PLOD3: variants seen among roughly 807,000 people sequenced by gnomAD.
PLOD3 encodes the protein multifunctional procollagen lysine hydroxylase and glycosyltransferase LH3.
A neutral mutation model predicts 96.9 loss-of-function variants in PLOD3; 73 were observed. The observed-to-expected ratio is 0.75, with a 90% CI of 0.62 to 0.92. The LOEUF is 0.92. Among genes scored for constraint, PLOD3 ranks in the 40% least tolerant of loss-of-function variants. The pLI, the probability that PLOD3 is intolerant of heterozygous loss-of-function variation, is 0.00. For synonymous variants in PLOD3, 454 were observed against 413.7 expected (o/e 1.10, Z -1.18); for missense variants, 1,004 against 1,004.3 (o/e 1.00, Z 0.00).
At position 101,213,087 on chromosome 7, in the gene PLOD3, G is replaced by T; in HGVS notation, c.777+20C>A. ...GGGGTTGGGGCAGGGCGGGGCGGGG[G>T]TTGAGACCACTGGTGGCACCTTAGT... On this transcript the variant is annotated intron_variant, in intron 7 of 18. Coordinates refer to ENST00000223127, the MANE Select transcript of PLOD3 (RefSeq NM_001084.5). The T allele has an allele frequency of 6.4e-7, 1 of 1,562,068 alleles. No homozygotes were observed. Among genetic ancestry groups the T allele is most frequent in the South Asian group, 1.1e-5 (1 of 89,932 alleles).
chr7:101,207,009 G>T, intron 17 of PLOD3, 105 bp from the exon 18 acceptor site: 1 of 1,340,268 alleles, frequency 7.5e-7, no homozygotes, highest in Non-Finnish European at 1.0e-6. Context: ...CTGTCACTCA[G>T]GCTGGAGTGC....
intron 2 of PLOD3, 45 bp from the exon 3 acceptor site, chr7:101,216,591 T>G: frequency 8.7e-6 from 14 of 1,612,908 alleles, no homozygotes; most frequent in Non-Finnish European, 1.2e-5. Flanking sequence ...TGGGGAGTTG[T>G]GGGGGGAACT....
intron 16 of PLOD3, among the ~76,000 whole-genome samples, chr7:101,208,413 G>A (rs142374988): frequency 6.6e-6 from 1 of 152,126 alleles, no homozygotes; most frequent in African/African-American, 2.4e-5. Flanking sequence ...GGCTAATTTT[G>A]TGTTTTTAGT....
At chr7:101,212,676 G>A (rs1296573159) in intron 8 of PLOD3, 21 bp from the exon 9 acceptor site, 1 of 1,613,090 alleles carries the variant, frequency 6.2e-7, no homozygotes, top group African/African-American at 1.3e-5. Context: ...CAACACGCAG[G>A]GACTCAGAGA....
intron 8 of PLOD3, 37 bp from the exon 9 acceptor site, chr7:101,212,692 C>T (rs1562894145): frequency 6.2e-7 from 1 of 1,612,076 alleles, no homozygotes; most frequent in South Asian, 1.1e-5. Context: ...AGAGAGAAGC[C>T]CGGACTTCCC....
intron 7 of PLOD3, 25 bp downstream of exon 7, chr7:101,213,082 C>CG: frequency 9.5e-7 from 1 of 1,049,076 alleles, no homozygotes; most frequent in Non-Finnish European, 1.4e-6. Context: ...CAGGGCGGGG[C>CG]GGGGGTTGAG....
intron 12 of PLOD3, chr7:101,210,932 A>C: frequency 4.2e-6 from 2 of 471,518 alleles, no homozygotes; most frequent in South Asian, 2.1e-5. Flanking sequence ...CCAGGCTGGA[A>C]TGCAGTGGTG....
At chr7:101,209,386 T>G (rs897366305) in intron 15 of PLOD3, among the ~76,000 whole-genome samples, 1 of 147,664 alleles carries the variant, frequency 6.8e-6, no homozygotes, top group African/African-American at 2.5e-5. Flanking sequence ...TTTTCTTTTC[T>G]TTTTTTTTTG....
Position 101,217,065 on chromosome 7 carries a change from G to T in PLOD3, c.109+101C>A, listed in dbSNP as rs574264811. 1,787 of 1,257,998 alleles carry T rather than the reference G, an allele frequency of 1.4e-3. 5 individuals carry two copies. Among genetic ancestry groups the T allele is most frequent in the Middle Eastern group, 6.1e-3 (23 of 3,800 alleles). The allele number at this position is 1,257,998 out of a possible 1,614,324, so 77.9% of individuals were successfully genotyped here. On this transcript the variant is annotated intron_variant, in intron 1 of 18. Coordinates refer to ENST00000223127, the MANE Select transcript of PLOD3 (RefSeq NM_001084.5). Reference sequence around the variant, plus strand: ...CTCAAGAGCACGCTGGGCGGGGGACGGGCCAGACACCTCCTCGAGCCTCCG... The same window carrying T: ...CTCAAGAGCACGCTGGGCGGGGGACTGGCCAGACACCTCCTCGAGCCTCCG...
At chr7:101,214,989 G>T (rs1223262459) in intron 6 of PLOD3, 100 bp downstream of exon 6, 1 of 876,216 alleles carries the variant, frequency 1.1e-6, no homozygotes, top group African/African-American at 1.6e-5. Context: ...ACATAGAGGT[G>T]GGCTTGGATC....
At position 101,211,557 on chromosome 7, in the gene PLOD3, A is replaced by G. The variant is rs551954677; in HGVS notation, c.1358+34T>C. Reference sequence around the variant, plus strand: ...TGGGTCTACCTGGGCCCCGGGTCGGAGGAGGCGGGGGGCTGCAGGCTGGCG... The same window carrying G: ...TGGGTCTACCTGGGCCCCGGGTCGGGGGAGGCGGGGGGCTGCAGGCTGGCG... On this transcript the variant is annotated intron_variant, in intron 12 of 18. Transcript: ENST00000223127. 584 of 1,588,186 alleles carry G rather than the reference A, an allele frequency of 3.7e-4. 10 individuals carry two copies. The South Asian group carries it at 5.6e-3, about 15-fold the overall frequency.
rs1435642015 is a variant in PLOD3, at chr7:101,211,663, C to T, written c.1286G>A (p.Trp429Ter). The change falls in exon 12 of 19, where the codon TGG becomes TAG. Residue 429 changes from tryptophan (W) to a stop codon, truncating the protein, a stop_gained. Transcript: ENST00000223127. LOFTEE classifies it high-confidence loss of function. ...SRHGKLWSNF[W>*]GALSPDEYYA... ...GTACTCATCGGGGCTCAGGGCGCCC[C>T]AGAAGTTGGACCACAGCTTGCCGTG... The T allele has an allele frequency of 6.2e-7, 1 of 1,607,658 alleles. No individual in the cohort carries two copies. The highest frequency in any genetic ancestry group is 8.5e-7 in the Non-Finnish European group (1 of 1,177,728).
chr7:101,207,549 G>T, intron 17 of PLOD3, 29 bp downstream of exon 17: 1 of 1,609,496 alleles, frequency 6.2e-7, no homozygotes, highest in South Asian at 1.1e-5. Flanking sequence ...GGGGAAGGTG[G>T]GGAGGCAGCT....
Position 101,212,959 on chromosome 7 carries a change from T to A in PLOD3, c.778-16A>T. 6.3e-7 allele frequency: 1 copy of A among 1,588,918 alleles called. No individual in the cohort carries two copies. Among genetic ancestry groups the A allele is most frequent in the South Asian group, 1.1e-5 (1 of 90,508 alleles). ...TGAGCTGCAGCTGTTGGGGACAGAC[T>A]GAGGCTGAGTGGCTGAGGCCTCCAG... On this transcript the variant is annotated splice_polypyrimidine_tract_variant and intron_variant, in intron 7 of 18. Transcript: ENST00000223127.
rs568341395 is a variant in PLOD3 at position 101,206,946 on chromosome 7, C to A, written c.1936-42G>T. 8 of 1,546,286 alleles carry A rather than the reference C, an allele frequency of 5.2e-6. No individual in the cohort carries two copies. The African/African-American group carries it at 9.6e-5, about 19-fold the overall frequency. ...AAGAGGCTGCAGGGACAGCTGCGGGCGCAGGGGGTCTTTTATTTTGTATTA... is the reference window on the plus strand; with the variant it reads ...AAGAGGCTGCAGGGACAGCTGCGGGAGCAGGGGGTCTTTTATTTTGTATTA... On this transcript the variant is annotated intron_variant, in intron 17 of 18. Coordinates refer to ENST00000223127, the MANE Select transcript of PLOD3 (RefSeq NM_001084.5).
rs775744595 is a variant in PLOD3, at chr7:101,210,109, TC to T, written c.1666del (p.Glu556LysfsTer59). 6.2e-7 allele frequency: 1 copy of T among 1,601,338 alleles called. No homozygotes were observed. The highest frequency in any genetic ancestry group is 8.5e-7 in the Non-Finnish European group (1 of 1,174,146). On this transcript the variant is annotated frameshift_variant, in exon 15 of 19. Transcript: ENST00000223127. LOFTEE classifies it high-confidence loss of function. ...HENYSRALEG[E>X]GIVEQPCPDV... is the part of the protein sequence containing the mutation. ...TGGGCTCACCTGCTCCACGATTCCTTCCCCTTCCAGGGCCCGGCTGTAGTTC... is the reference window on the plus strand; with the variant it reads ...TGGGCTCACCTGCTCCACGATTCCTTCCCTTCCAGGGCCCGGCTGTAGTTC...
Position 101,210,454 on chromosome 7 carries a change from G to T in PLOD3, c.1501-10C>A, listed in dbSNP as rs369607373. On this transcript the variant is annotated splice_polypyrimidine_tract_variant and intron_variant, in intron 13 of 18. Transcript: ENST00000223127. ...GATGGAGGAAGATGCCCTGTAGTGG[G>T]GTGGGGGTGTCCGTGATGCAGGCGA... 1 of 1,613,872 alleles carries T rather than the reference G, an allele frequency of 6.2e-7. No individual in the cohort carries two copies.
In PLOD3 at chr7:101,206,856, G is replaced by T; in HGVS notation, c.1984C>A (p.Pro662Thr). 3 of 1,565,652 alleles carry T rather than the reference G, an allele frequency of 1.9e-6. No homozygotes were observed. The highest frequency in any genetic ancestry group is 2.6e-6 in the Non-Finnish European group (3 of 1,154,722). The change falls in exon 18 of 19, where the codon CCG becomes ACG. Residue 662 changes from proline to threonine, a missense_variant. By Grantham distance (38) the Pro-to-Thr change is conservative. This residue lies in a region of PLOD3 where 222 missense variants were observed against 220.4 expected (regional missense o/e 1.01). Coordinates refer to ENST00000223127, the MANE Select transcript of PLOD3 (RefSeq NM_001084.5). ...GAGTCGTGGTGTGGCCGCAGAGACG[G>T]CTGCTCGTCTGGCCGGTAGCGAACC... Reference protein sequence around the residue: ...FVVRYRPDEQPSLRPHHDSST... With the variant: ...FVVRYRPDEQTSLRPHHDSST...
Position 101,208,996 on chromosome 7 carries a change from C to T in PLOD3, c.1684-39G>A, listed in dbSNP as rs41281010. The stretch of plus-strand genomic sequence containing the variant: ...GAGGGAGAACAGGGCTAGCTGACGC[C>T]GCAGAACGGGGAAGGGGACAGGCAG... On this transcript the variant is annotated intron_variant, in intron 15 of 18. Coordinates refer to ENST00000223127, the MANE Select transcript of PLOD3 (RefSeq NM_001084.5). The T allele has an allele frequency of 3.4e-3, 4,837 of 1,414,184 alleles. 10 individuals are homozygous for T. The highest frequency in any genetic ancestry group is 4.2e-3 in the Non-Finnish European group (4,214 of 998,318). 87.6% of individuals were successfully genotyped at this position (1,414,184 alleles called of 1,614,324 possible). A position where few individuals can be genotyped will look rare whatever the true frequency, so the allele number is the denominator to read the frequency against.
Sources: allele counts gnomAD v4.1 joint callset (sites outside exome capture counted in the v4.1 genomes callset), GRCh38; gene constraint gnomAD v4.1.1; regional missense constraint gnomAD v4.1.1; transcripts MANE v1.5; gene names NCBI Gene and HGNC (gene_info 2026-07-23, HGNC 2026-07-21).